Variants in CEP57L1 observed in about 807,000 individuals in gnomAD.
CEP57L1 encodes the protein centrosomal protein CEP57L1.
Under a neutral mutation model 61.0 loss-of-function variants are expected in CEP57L1, and 37 were observed. The ratio of observed to expected loss-of-function variants is 0.61; its 90% CI spans 0.47 to 0.80. CEP57L1 has a LOEUF of 0.80. Ranked by LOEUF, CEP57L1 falls within the 30% of genes least tolerant of loss-of-function variation. CEP57L1 has a pLI of 0.00. For missense variants in CEP57L1, 422 were observed against 524.7 expected (o/e 0.80, Z 1.91); for synonymous variants, 137 against 162.3 (o/e 0.84, Z 1.19).
At position 109,162,706 on chromosome 6, in the gene CEP57L1, A is replaced by G. The variant is rs765102113; in HGVS notation, c.1162-43A>G. 4.9e-6 allele frequency: 6 copies of G among 1,231,450 alleles called. No homozygotes were observed. The African/African-American group carries it at 7.7e-5, about 16-fold the overall frequency. 76.3% of individuals were successfully genotyped at this position (1,231,450 alleles called of 1,614,324 possible). A position where few individuals can be genotyped will look rare whatever the true frequency, so the allele number is the denominator to read the frequency against. ...CCTATCTATTTTGGAATATATTTTT[A>G]GTATATTTTTGACTAAAATGTTAGA... On this transcript the variant is annotated intron_variant, in intron 10 of 10. Coordinates refer to ENST00000517392, the MANE Select transcript of CEP57L1 (RefSeq NM_001271852.3).
At chr6:109,159,578 G>A in intron 9 of CEP57L1, 116 bp downstream of exon 9, 1 of 901,764 alleles carries the variant, frequency 1.1e-6, no homozygotes, top group Non-Finnish European at 1.7e-6. Flanking sequence ...CAAAGTGCTA[G>A]GATTACAAGC....
At chr6:109,139,812 AAG>A (rs1771147247) in intron 1 of CEP57L1, among the ~76,000 whole-genome samples, 1 of 151,824 alleles carries the variant, frequency 6.6e-6, no homozygotes, top group Admixed American at 6.6e-5. Flanking sequence ...TTGTATATTT[AAG>A]AGAGAAGGGG....
chr6:109,148,977 T>C (rs1448499818), intron 3 of CEP57L1, among the ~76,000 whole-genome samples: 4 of 152,350 alleles, frequency 2.6e-5, no homozygotes, highest in Admixed American at 2.6e-4. Flanking sequence ...TTTGTTTTTT[T>C]CTTGTAAATT....
At chr6:109,152,468 C>T (rs1772724015) in intron 4 of CEP57L1, among the ~76,000 whole-genome samples, 1 of 152,148 alleles carries the variant, frequency 6.6e-6, no homozygotes, top group Non-Finnish European at 1.5e-5. Flanking sequence ...CAGGCGTGAG[C>T]CACCACGCCC....
intron 4 of CEP57L1, among the ~76,000 whole-genome samples, chr6:109,153,525 T>C (rs1772884598): frequency 6.6e-6 from 1 of 151,802 alleles, no homozygotes; most frequent in African/African-American, 2.4e-5. Flanking sequence ...GAATTACAAG[T>C]ATGAGCCACC....
At chr6:109,119,836 T>TTACC (rs2114688880) in intron 1 of CEP57L1, among the ~76,000 whole-genome samples, 3 of 152,298 alleles carry the variant, frequency 2.0e-5, no homozygotes, top group African/African-American at 7.2e-5. Flanking sequence ...TGTTTATAGA[T>TTACC]TACCTATTGG....
At chr6:109,147,723 A>C (rs1772121527) in intron 3 of CEP57L1, among the ~76,000 whole-genome samples, 1 of 152,160 alleles carries the variant, frequency 6.6e-6, no homozygotes, top group African/African-American at 2.4e-5. Flanking sequence ...AACAGGGGAA[A>C]ATGAGAGTGG....
In CEP57L1 at chr6:109,167,742, G is replaced by A. The variant is rs1264534960; in HGVS notation, c.*4772G>A. Among the ~76,000 whole-genome samples the A allele has an allele frequency of 6.6e-6, 1 of 152,152 alleles. No individual in the cohort carries two copies. Among genetic ancestry groups the A allele is most frequent in the South Asian group, 2.1e-4 (1 of 4,826 alleles). On this transcript the variant is annotated 3_prime_UTR_variant, in exon 11 of 11. Transcript: ENST00000517392. The stretch of plus-strand genomic sequence containing the variant: ...CCCAGTATTGTTTGTTTGGGGAGGG[G>A]CAGGGTGTGGTTCCACCAACTGTGG...
chr6:109,104,118 CT>C (rs917359708), intron 1 of CEP57L1, among the ~76,000 whole-genome samples: 11 of 148,246 alleles, frequency 7.4e-5, no homozygotes, highest in African/African-American at 2.5e-4. Context: ...TTGTCTTTGT[CT>C]TTTAAAAAAA....
intron 1 of CEP57L1, among the ~76,000 whole-genome samples, chr6:109,124,307 G>A (rs1466068315): frequency 6.6e-6 from 1 of 152,160 alleles, no homozygotes; most frequent in African/African-American, 2.4e-5. Context: ...TCTGGTTTCT[G>A]CTTCATCTTC....
intron 1 of CEP57L1, among the ~76,000 whole-genome samples, chr6:109,142,946 G>GCTCGCT: frequency 1.8e-5 from 1 of 55,528 alleles, no homozygotes; most frequent in East Asian, 8.1e-4. Flanking sequence ...TGTCTCTCTT[G>GCTCGCT]CTCTCTCTCT....
Position 109,168,862 on chromosome 6 carries a change from C to A in CEP57L1, c.*5892C>A, listed in dbSNP as rs890015055. Among the ~76,000 whole-genome samples the A allele has an allele frequency of 6.7e-6, 1 of 148,874 alleles. No individual in the cohort carries two copies. The highest frequency in any genetic ancestry group is 1.5e-5 in the Non-Finnish European group (1 of 67,614). On this transcript the variant is annotated 3_prime_UTR_variant, in exon 11 of 11. Transcript: ENST00000517392. ...CTGCCCGCCTCAGTGTCCCAAAGTG[C>A]TGGGATTACAGGCGTGAGCCACCAT... is the stretch of plus-strand genomic sequence containing the variant.
At chr6:109,117,790 G>C (rs900761631) in intron 1 of CEP57L1, among the ~76,000 whole-genome samples, 1 of 152,162 alleles carries the variant, frequency 6.6e-6, no homozygotes, top group Non-Finnish European at 1.5e-5. Context: ...CACAGGCAAC[G>C]TCTATATGGA....
chr6:109,169,355 G>T lies in CEP57L1; in HGVS notation c.*6385G>T, dbSNP rs1231069450. 6.6e-6 allele frequency among the ~76,000 whole-genome samples: 1 copy of T among 151,890 alleles called. No individual in the cohort carries two copies. Among genetic ancestry groups the T allele is most frequent in the Non-Finnish European group, 1.5e-5 (1 of 67,962 alleles). ...CTAAATGTTTTTTAGGGAAGAAAAA[G>T]TTGGCTTTTAATAAGTATTCAGTGA... On this transcript the variant is annotated 3_prime_UTR_variant, in exon 11 of 11. Transcript: ENST00000517392.
chr6:109,132,572 T>G (rs1445007133), intron 1 of CEP57L1, among the ~76,000 whole-genome samples: 4 of 152,234 alleles, frequency 2.6e-5, no homozygotes, highest in Non-Finnish European at 1.5e-5. Context: ...TAATAATGTA[T>G]TTCCTGGTGA....
chr6:109,104,922 T>G (rs1466964385), intron 1 of CEP57L1, among the ~76,000 whole-genome samples: 1 of 152,150 alleles, frequency 6.6e-6, no homozygotes, highest in Non-Finnish European at 1.5e-5. Flanking sequence ...TTCAATCTAA[T>G]GGGTGTAAAA....
intron 2 of CEP57L1, 52 bp downstream of exon 2, chr6:109,145,433 T>C: frequency 7.8e-7 from 1 of 1,288,138 alleles, no homozygotes; most frequent in South Asian, 1.9e-5. Context: ...ATAAAAAACT[T>C]TTCATATTTA....
At chr6:109,100,177 T>C (rs1208174623) in intron 1 of CEP57L1, 1 of 152,206 alleles carries the variant, frequency 6.6e-6, no homozygotes, top group Non-Finnish European at 1.5e-5. Context: ...ATCTTATCTC[T>C]ACCTCTGAGT....
intron 10 of CEP57L1, 199 bp downstream of exon 10, chr6:109,160,915 T>C (rs1436051434): frequency 2.3e-6 from 1 of 430,274 alleles, no homozygotes; most frequent in East Asian, 3.8e-5. Flanking sequence ...ACTCTCCAAG[T>C]TAAAATTTTT....
Sources: gnomAD v4.1 joint callset for allele counts (sites outside exome capture counted in the v4.1 genomes callset) on GRCh38, gnomAD v4.1.1 for gene constraint, MANE v1.5 for transcripts, NCBI Gene and HGNC (gene_info 2026-07-23, HGNC 2026-07-21) for gene names.